Variants in CEP135 observed in about 807,000 individuals in gnomAD.
CEP135 encodes the protein centrosomal protein of 135 kDa.
A neutral mutation model predicts 157.3 loss-of-function variants in CEP135; 142 were observed. That is an observed-to-expected ratio of 0.90 (90% CI 0.79 to 1.04). CEP135 has a LOEUF of 1.04. Among genes scored for constraint, CEP135 ranks in the 50% least tolerant of loss-of-function variants. CEP135 has a pLI of 0.00. For synonymous variants in CEP135, 396 were observed against 439.8 expected (o/e 0.90, Z 1.25); for missense variants, 1,317 against 1,309.2 (o/e 1.01, Z -0.09).
At chr4:56,029,586 T>C (rs1480351952) in intron 25 of CEP135, among the ~76,000 whole-genome samples, 1 of 152,198 alleles carries the variant, frequency 6.6e-6, no homozygotes, top group Non-Finnish European at 1.5e-5. Flanking sequence ...TACATGATAT[T>C]GTGCAAATGT....
rs531011993 is a variant in CEP135 at position 56,031,475 on chromosome 4, C to T, written c.*127C>T. 6.6e-6 allele frequency: 1 copy of T among 152,492 alleles called. No homozygotes were observed. The highest frequency in any genetic ancestry group is 1.5e-5 in the Non-Finnish European group (1 of 68,016). The allele number at this position is 152,492 out of a possible 1,614,324, so 9.4% of individuals were successfully genotyped here. Reference sequence around the variant, plus strand: ...ACATGGACACAAATTCTACCTCTGTCAACTTTTATTTAAATCAGTGAATAT... The same window carrying T: ...ACATGGACACAAATTCTACCTCTGTTAACTTTTATTTAAATCAGTGAATAT... On this transcript the variant is annotated 3_prime_UTR_variant, in exon 26 of 26. Coordinates refer to ENST00000257287, the MANE Select transcript of CEP135 (RefSeq NM_025009.5).
chr4:56,012,749 TC>T (rs1730629806), intron 21 of CEP135, among the ~76,000 whole-genome samples: 1 of 152,242 alleles, frequency 6.6e-6, no homozygotes, highest in Non-Finnish European at 1.5e-5. Flanking sequence ...GAATAACATT[TC>T]ATTGTATGTA....
chr4:55,981,743 A>T (rs948313586), intron 13 of CEP135, among the ~76,000 whole-genome samples: 2 of 152,202 alleles, frequency 1.3e-5, no homozygotes, highest in Admixed American at 1.3e-4. Context: ...AGAGATATTC[A>T]CATACCATAC....
rs530967885 is a variant in CEP135 at position 56,001,096 on chromosome 4, G to A, written c.2280+1451G>A. 2.6e-5 allele frequency among the ~76,000 whole-genome samples: 4 copies of A among 152,124 alleles called. No homozygotes were observed. In the East Asian group the frequency reaches 7.7e-4, roughly 29 times the overall value. ...AAAATCTTTGCCCGTTTTAAAATTG[G>A]ATTATTTGGAGTTTTTTTGCTATTG... On this transcript the variant is annotated intron_variant, in intron 17 of 25. Coordinates refer to ENST00000257287, the MANE Select transcript of CEP135 (RefSeq NM_025009.5).
intron 15 of CEP135, among the ~76,000 whole-genome samples, chr4:55,992,339 T>G (rs760260492): frequency 3.3e-5 from 5 of 152,246 alleles, no homozygotes; most frequent in Non-Finnish European, 7.3e-5. Context: ...CAGATTAATA[T>G]GATTGCAGGC....
At chr4:56,030,355 A>G (rs921087053) in intron 25 of CEP135, among the ~76,000 whole-genome samples, 1 of 152,240 alleles carries the variant, frequency 6.6e-6, no homozygotes, top group African/African-American at 2.4e-5. Flanking sequence ...CAGTTCTGTT[A>G]TAATCTTATG....
intron 13 of CEP135, among the ~76,000 whole-genome samples, chr4:55,982,113 A>G (rs1165703589): frequency 2.0e-5 from 3 of 151,876 alleles, no homozygotes; most frequent in Non-Finnish European, 2.9e-5. Context: ...GTCACTCCCC[A>G]TTTCTCCCAT....
intron 11 of CEP135, among the ~76,000 whole-genome samples, chr4:55,976,426 G>A (rs992582935): frequency 6.6e-6 from 1 of 152,114 alleles, no homozygotes; most frequent in African/African-American, 2.4e-5. Context: ...TGATTGATCA[G>A]TTTAATTAAG....
Position 56,009,735 on chromosome 4 carries a change from C to A in CEP135, c.2337C>A (p.Asn779Lys). 6.3e-7 allele frequency: 1 copy of A among 1,594,908 alleles called. No individual in the cohort carries two copies. The highest frequency in any genetic ancestry group is 8.5e-7 in the Non-Finnish European group (1 of 1,174,972). Reference sequence around the variant, plus strand: ...TAGTTTCACATCACTCATTTAACAGCCAGCTGAAAGAAACATTGGTTAATC... The same window carrying A: ...TAGTTTCACATCACTCATTTAACAGACAGCTGAAAGAAACATTGGTTAATC... Reference protein sequence around the residue: ...IMISECESSVNQLKETLVNRD... With the variant: ...IMISECESSVKQLKETLVNRD... The change falls in exon 19 of 26, where the codon AAC becomes AAA. Residue 779 changes from asparagine (N) to lysine (K), a missense_variant and splice_region_variant. Coordinates refer to ENST00000257287, the MANE Select transcript of CEP135 (RefSeq NM_025009.5).
chr4:55,971,939 T>C (rs1222758247), intron 10 of CEP135, among the ~76,000 whole-genome samples: 1 of 151,974 alleles, frequency 6.6e-6, no homozygotes, highest in Non-Finnish European at 1.5e-5. Flanking sequence ...TCATCTGAGG[T>C]TGGGAGTTCA....
chr4:56,010,801 C>T (rs1411548491), intron 19 of CEP135, among the ~76,000 whole-genome samples: 1 of 152,010 alleles, frequency 6.6e-6, no homozygotes, highest in East Asian at 1.9e-4. Context: ...AATTATTTTC[C>T]GTATTATTCA....
chr4:55,968,196 C>T (rs1187525839), intron 8 of CEP135, among the ~76,000 whole-genome samples: 1 of 152,098 alleles, frequency 6.6e-6, no homozygotes, highest in African/African-American at 2.4e-5. Flanking sequence ...TAGAAATAAA[C>T]TTAACCAATG....
Position 55,971,379 on chromosome 4 carries a change from G to A in CEP135, c.1220G>A (p.Ser407Asn), listed in dbSNP as rs62641664. The change falls in exon 10 of 26, where the codon AGC becomes AAC. Residue 407 changes from serine to asparagine, a missense_variant. By Grantham distance (46) the Ser-to-Asn change is conservative. Coordinates refer to ENST00000257287, the MANE Select transcript of CEP135 (RefSeq NM_025009.5). ...HQLEQEKQRL[S>N]KKVESFAVTE... ...CTTGAACAAGAAAAGCAAAGACTTA[G>A]CAAAAAAGTTGAAAGTTTTGCAGTT... The A allele has an allele frequency of 2.6e-3, 4,130 of 1,598,506 alleles. 113 individuals carry two copies. In the African/African-American group the frequency reaches 0.049, roughly 19 times the overall value.
intron 2 of CEP135, chr4:55,952,545 T>C (rs562411586): frequency 4.8e-4 from 104 of 214,896 alleles, no homozygotes; most frequent in African/African-American, 1.5e-3. Context: ...TCTTTTTTTT[T>C]CCCCCCCTTA....
chr4:55,985,766 A>G (rs768837292), intron 14 of CEP135, among the ~76,000 whole-genome samples: 1 of 152,004 alleles, frequency 6.6e-6, no homozygotes, highest in Non-Finnish European at 1.5e-5. Context: ...GGCCTAATAC[A>G]CTGTTTTATA....
chr4:56,025,189 T>C (rs903112882), intron 25 of CEP135, among the ~76,000 whole-genome samples: 1 of 152,154 alleles, frequency 6.6e-6, no homozygotes, highest in Non-Finnish European at 1.5e-5. Context: ...CTATCTTGCC[T>C]GGGCTGGCCT....
chr4:55,988,254 A>G (rs999719137), intron 14 of CEP135, among the ~76,000 whole-genome samples: 1 of 152,126 alleles, frequency 6.6e-6, no homozygotes, highest in African/African-American at 2.4e-5. Flanking sequence ...AAGAATTGAC[A>G]ATAGATCTTA....
chr4:55,980,015 T>C (rs773661509), intron 11 of CEP135, 128 bp from the exon 12 acceptor site: 1 of 765,018 alleles, frequency 1.3e-6, no homozygotes, highest in Non-Finnish European at 2.2e-6. Flanking sequence ...TAAAACTGTG[T>C]TCCTTAATTA....
intron 24 of CEP135, 150 bp downstream of exon 24, chr4:56,020,930 G>A: frequency 1.8e-6 from 1 of 554,358 alleles, no homozygotes; most frequent in Non-Finnish European, 3.1e-6. Context: ...TTTTAAAAAA[G>A]GCAACAAGTG....
Sources: gnomAD v4.1 joint callset for allele counts (sites outside exome capture counted in the v4.1 genomes callset) on GRCh38, gnomAD v4.1.1 for gene constraint, MANE v1.5 for transcripts, NCBI Gene and HGNC (gene_info 2026-07-23, HGNC 2026-07-21) for gene names.